Variants in SHLD2 observed in about 807,000 individuals in gnomAD.
The protein encoded by SHLD2 is shieldin complex subunit 2, also known as RINN1-REV7-interacting novel NHEJ regulator 2.
In SHLD2, 30 loss-of-function variants were observed where a neutral mutation model predicts 73.2. The observed-to-expected ratio is 0.41, with a 90% CI of 0.31 to 0.56. The LOEUF is 0.56. Ranked by LOEUF, SHLD2 falls within the 20% of genes least tolerant of loss-of-function variation. The pLI is 0.28. For synonymous variants in SHLD2, 285 were observed against 370.1 expected (o/e 0.77, Z 2.64); for missense variants, 745 against 1,055.9 (o/e 0.71, Z 4.08).
intron 2 of SHLD2, among the ~76,000 whole-genome samples, chr10:87,105,331 CT>C (rs2133963016): frequency 6.6e-6 from 1 of 152,272 alleles, no homozygotes; most frequent in African/African-American, 2.4e-5. Flanking sequence ...CTTGACCATT[CT>C]AGAGGTGTTG....
At chr10:87,167,339 T>C (rs1847273103) in intron 4 of SHLD2, among the ~76,000 whole-genome samples, 1 of 152,258 alleles carries the variant, frequency 6.6e-6, no homozygotes, top group Non-Finnish European at 1.5e-5. Context: ...TATGGTGCTT[T>C]ATTTTTTACA....
intron 4 of SHLD2, among the ~76,000 whole-genome samples, chr10:87,164,738 A>G (rs1370100124): frequency 1.3e-5 from 2 of 152,172 alleles, no homozygotes; most frequent in Non-Finnish European, 2.9e-5. Context: ...TAAGAAAATA[A>G]TGATAGTATT....
At chr10:87,149,158 G>T (rs1043172466) in intron 2 of SHLD2, among the ~76,000 whole-genome samples, 1 of 151,762 alleles carries the variant, frequency 6.6e-6, no homozygotes, top group Non-Finnish European at 1.5e-5. Context: ...AAAGTGCGGG[G>T]ATTACAGGCG....
chr10:87,098,838 C>T (rs760665934), intron 2 of SHLD2, among the ~76,000 whole-genome samples: 3 of 152,082 alleles, frequency 2.0e-5, no homozygotes, highest in East Asian at 1.9e-4. Context: ...TGCGGTGGCA[C>T]GATCACAGTT....
At chr10:87,126,159 G>T (rs557126832) in intron 2 of SHLD2, among the ~76,000 whole-genome samples, 45 of 152,292 alleles carry the variant, frequency 3.0e-4, no homozygotes, top group Non-Finnish European at 5.4e-4. Context: ...GCTCACTGCA[G>T]CCTTGACCTT....
At chr10:87,148,790 T>G (rs1271091516) in intron 2 of SHLD2, among the ~76,000 whole-genome samples, 2 of 151,736 alleles carry the variant, frequency 1.3e-5, no homozygotes, top group Non-Finnish European at 2.9e-5. Flanking sequence ...AAGAAACCAT[T>G]GGAGAAGAAA....
chr10:87,099,185 A>G (rs922128161), intron 2 of SHLD2, among the ~76,000 whole-genome samples: 11 of 152,234 alleles, frequency 7.2e-5, no homozygotes, highest in African/African-American at 2.7e-4. Context: ...TTTCTGCCTT[A>G]GAGTTTTCCT....
At chr10:87,163,871 G>T (rs1340198274) in intron 4 of SHLD2, among the ~76,000 whole-genome samples, 1 of 151,686 alleles carries the variant, frequency 6.6e-6, no homozygotes, top group Non-Finnish European at 1.5e-5. Flanking sequence ...AGCGAGCACA[G>T]CACAGATGCA....
At chr10:87,098,996 G>A (rs1180603971) in intron 2 of SHLD2, among the ~76,000 whole-genome samples, 3 of 152,122 alleles carry the variant, frequency 2.0e-5, no homozygotes, top group Non-Finnish European at 4.4e-5. Context: ...GGCTGGTCTC[G>A]AACTCCTGGG....
chr10:87,187,256 A>G (rs1848679690), intron 9 of SHLD2, 56 bp downstream of exon 9: 4 of 1,044,758 alleles, frequency 3.8e-6, no homozygotes, highest in South Asian at 2.5e-5. Context: ...TAAATGGTAT[A>G]TCGGAACAGA....
At chr10:87,141,822 G>C (rs562708759) in intron 2 of SHLD2, among the ~76,000 whole-genome samples, 2 of 152,220 alleles carry the variant, frequency 1.3e-5, no homozygotes, top group East Asian at 3.9e-4. Context: ...CCTGAGGTCA[G>C]GAGTTCAAGA....
chr10:87,094,812 C>A (rs1165885530), upstream of SHLD2: 18 of 1,463,836 alleles, frequency 1.2e-5, no homozygotes, highest in Admixed American at 3.7e-5. This position sits in a 1 kb window ranked among gnomAD's most constrained non-coding sequence, Gnocchi z 6.6. Context: ...GCGAAACAGG[C>A]GCGCTTTCTC....
intron 2 of SHLD2, among the ~76,000 whole-genome samples, 190 bp downstream of exon 2, chr10:87,097,179 T>C (rs917343161): frequency 2.6e-4 from 40 of 152,252 alleles, no homozygotes; most frequent in Non-Finnish European, 5.1e-4. Flanking sequence ...CTTAGTTTTA[T>C]TGTTTTTGTT....
intron 2 of SHLD2, among the ~76,000 whole-genome samples, chr10:87,117,767 C>A (rs1843343468): frequency 6.6e-6 from 1 of 152,154 alleles, no homozygotes; most frequent in Non-Finnish European, 1.5e-5. Flanking sequence ...TGCGCTCCAA[C>A]CTGGGCAACA....
chr10:87,136,147 T>C (rs1490486497), intron 2 of SHLD2, among the ~76,000 whole-genome samples: 2 of 152,166 alleles, frequency 1.3e-5, no homozygotes, highest in African/African-American at 2.4e-5. Context: ...ATACCTTGGG[T>C]TAAAATCTTA....
intron 4 of SHLD2, among the ~76,000 whole-genome samples, chr10:87,161,274 G>C (rs1846794636): frequency 6.6e-6 from 1 of 151,718 alleles, no homozygotes; most frequent in African/African-American, 2.4e-5. Flanking sequence ...CTACAAAAAA[G>C]AAAAAGAAAA....
At position 87,115,874 on chromosome 10, in the gene SHLD2, C is replaced by G. The variant is rs1843223698; in HGVS notation, c.-6+18885C>G. On this transcript the variant is annotated intron_variant, in intron 2 of 9. Coordinates refer to ENST00000298786, the MANE Select transcript of SHLD2 (RefSeq NM_001330112.2). ...GTTGAGTAGAGAAGGAAGGAGTGATCTGAGAGGTGGAAGGAGGAGTAGGAA... is the reference window on the plus strand; with the variant it reads ...GTTGAGTAGAGAAGGAAGGAGTGATGTGAGAGGTGGAAGGAGGAGTAGGAA... Among the ~76,000 whole-genome samples, 4 of 152,194 alleles carry G rather than the reference C, an allele frequency of 2.6e-5. No homozygotes were observed. The South Asian group carries it at 8.3e-4, about 32-fold the overall frequency.
rs146232240 is a variant in SHLD2, at chr10:87,190,130, C to T, written c.2516-354C>T. Among the ~76,000 whole-genome samples the T allele has an allele frequency of 7.6e-3, 1,165 of 152,344 alleles. 17 individuals are homozygous for T. Among genetic ancestry groups the T allele is most frequent in the African/African-American group, 0.027 (1,120 of 41,570 alleles). On this transcript the variant is annotated intron_variant, in intron 9 of 9. Transcript: ENST00000298786. ...CTGGAGTGCAGTGGCACAATCTCAG[C>T]TCATTGCAATCTCTACCTCCTGGGT...
chr10:87,166,981 G>GTA (rs886841696), intron 4 of SHLD2, among the ~76,000 whole-genome samples: 1 of 147,978 alleles, frequency 6.8e-6, no homozygotes, highest in East Asian at 2.0e-4. Context: ...GTGTGTGTGT[G>GTA]TATAAATGAT....
Sources: gnomAD v4.1 joint callset for allele counts (sites outside exome capture counted in the v4.1 genomes callset) on GRCh38, gnomAD v4.1.1 for gene constraint, Gnocchi (gnomAD v3.1) non-coding constraint, MANE v1.5 for transcripts, NCBI Gene and HGNC (gene_info 2026-07-23, HGNC 2026-07-21) for gene names.